The following OR2L13 variants were observed in gnomAD, a reference collection of about 807,000 sequenced individuals.
OR2L13 encodes the protein olfactory receptor 2L13.
Under a neutral mutation model 15.3 loss-of-function variants are expected in OR2L13, and 14 were observed. That is an observed-to-expected ratio of 0.91 (90% confidence interval 0.60 to 1.43). OR2L13 has a LOEUF of 1.43. Among genes scored for constraint, OR2L13 ranks in the 40% most tolerant of loss-of-function variants. The probability of loss-of-function intolerance (pLI) is 0.00; values close to 1 mark genes in which losing one functional copy is unlikely to be tolerated. For synonymous variants in OR2L13, 152 were observed against 142.9 expected, an observed-to-expected ratio of 1.06 and a Z score of -0.45; for missense variants, 367 against 387.9, an observed-to-expected ratio of 0.95 and a Z score of 0.45.
chr1:247,962,224 G>C, the OR2L13 span, among the ~76,000 whole-genome samples: 2 of 152,154 alleles, frequency 1.3e-5, no homozygotes, highest in Non-Finnish European at 2.9e-5. Flanking sequence ...TTGTAAACTG[G>C]TGAGACTAGA....
the OR2L13 span, among the ~76,000 whole-genome samples, chr1:247,946,929 A>G: frequency 6.6e-6 from 1 of 152,160 alleles, no homozygotes; most frequent in Non-Finnish European, 1.5e-5. Flanking sequence ...TAAGAATACT[A>G]ACTTCACTAT....
the OR2L13 span, among the ~76,000 whole-genome samples, chr1:247,938,336 A>AT: frequency 1.3e-5 from 2 of 152,246 alleles, no homozygotes; most frequent in African/African-American, 4.8e-5. Context: ...CAGGTGCTGT[A>AT]TTTTTTTAAA....
exon 3 of OR2L13, chr1:248,099,724 A>G (rs1265966123): frequency 1.9e-6 from 3 of 1,614,052 alleles, no homozygotes; most frequent in Non-Finnish European, 2.5e-6. Context: ...CCTGACCTCC[A>G]TGGCCTACGA....
the OR2L13 span, among the ~76,000 whole-genome samples, chr1:248,009,097 A>G: frequency 6.6e-6 from 1 of 152,158 alleles, no homozygotes; most frequent in Admixed American, 6.6e-5. Flanking sequence ...AAAAATCTAA[A>G]ACAGACACAC....
At chr1:248,041,645 A>G in the OR2L13 span, 4 of 152,134 alleles carry the variant, frequency 2.6e-5, no homozygotes, top group Non-Finnish European at 5.9e-5. Flanking sequence ...TCTACAATGA[A>G]CTCAAACAAA....
the OR2L13 span, among the ~76,000 whole-genome samples, chr1:248,056,808 C>A: frequency 3.3e-5 from 5 of 151,806 alleles, no homozygotes; most frequent in African/African-American, 9.7e-5. Context: ...CCACCATACT[C>A]GGCTAAATTT....
At chr1:248,008,880 A>G in the OR2L13 span, among the ~76,000 whole-genome samples, 1 of 152,186 alleles carries the variant, frequency 6.6e-6, no homozygotes, top group Admixed American at 6.5e-5. Context: ...AGGACTAAGA[A>G]ACTCACTCAA....
chr1:248,023,488 TG>T, the OR2L13 span: 1 of 152,264 alleles, frequency 6.6e-6, no homozygotes, highest in East Asian at 1.9e-4. Context: ...CTTAGTTGAA[TG>T]TGGAGTAGGT....
upstream of OR2L13, chr1:248,097,270 T>C (rs551801859): frequency 6.6e-6 from 1 of 152,302 alleles, no homozygotes; most frequent in South Asian, 2.1e-4. Flanking sequence ...GTGTCGTTCT[T>C]TAAGTCAACA....
At chr1:248,008,491 G>C in the OR2L13 span, among the ~76,000 whole-genome samples, 2 of 151,946 alleles carry the variant, frequency 1.3e-5, no homozygotes, top group East Asian at 1.9e-4. Flanking sequence ...AGCTCACATA[G>C]GAGATAAAGT....
the OR2L13 span, among the ~76,000 whole-genome samples, chr1:248,049,816 AG>A: frequency 6.6e-6 from 1 of 152,168 alleles, no homozygotes; most frequent in African/African-American, 2.4e-5. Context: ...AAAAATTTTG[AG>A]GGATGAACTA....
chr1:248,039,525 A>AT, the OR2L13 span: 1 of 182,918 alleles, frequency 5.5e-6, no homozygotes, highest in African/African-American at 2.4e-5. Flanking sequence ...GGTTCAAGCG[A>AT]TTCTCCTGCC....
the OR2L13 span, chr1:248,061,360 A>C: frequency 5.6e-6 from 9 of 1,613,874 alleles, no homozygotes; most frequent in Non-Finnish European, 7.6e-6. Context: ...TGTCTACCAC[A>C]TGAAATCTGC....
At chr1:248,087,209 A>C in the OR2L13 span, among the ~76,000 whole-genome samples, 1,078 of 152,252 alleles carry the variant, frequency 7.1e-3, 6 homozygotes, top group African/African-American at 0.024. Flanking sequence ...GTAAAAAAAA[A>C]AATCTTCTAA....
the OR2L13 span, among the ~76,000 whole-genome samples, chr1:248,001,928 C>T: frequency 2.0e-5 from 3 of 152,082 alleles, 1 homozygote; most frequent in African/African-American, 7.2e-5. Flanking sequence ...CTGTAAAATA[C>T]AAATGATAGA....
chr1:247,973,980 T>A, the OR2L13 span, among the ~76,000 whole-genome samples: 2 of 152,204 alleles, frequency 1.3e-5, no homozygotes, highest in Non-Finnish European at 2.9e-5. Context: ...CAGACACACG[T>A]ATGTTTATAG....
chr1:248,042,710 T>G, the OR2L13 span, among the ~76,000 whole-genome samples: 2 of 152,148 alleles, frequency 1.3e-5, no homozygotes, highest in Admixed American at 6.5e-5. Flanking sequence ...TTCATTGTAA[T>G]GTATAAAATT....
the OR2L13 span, among the ~76,000 whole-genome samples, chr1:248,067,494 A>G: frequency 2.0e-5 from 3 of 152,196 alleles, no homozygotes; most frequent in East Asian, 1.9e-4. Flanking sequence ...TTTAATAGCT[A>G]AATAATATGA....
chr1:247,951,821 C>A, the OR2L13 span, among the ~76,000 whole-genome samples: 2 of 152,336 alleles, frequency 1.3e-5, no homozygotes, highest in South Asian at 4.1e-4. Context: ...GCTGCCAGGG[C>A]AAGCACCTCC....
Sources: gnomAD v4.1 joint callset for allele counts (sites outside exome capture counted in the v4.1 genomes callset) on GRCh38, gnomAD v4.1.1 for gene constraint, MANE v1.5 for transcripts, NCBI Gene and HGNC (gene_info 2026-07-23, HGNC 2026-07-21) for gene names.